Variants in DMGDH observed in about 807,000 individuals in gnomAD.
The protein encoded by DMGDH is dimethylglycine dehydrogenase.
In DMGDH, 76 loss-of-function variants were observed where a neutral mutation model predicts 95.2. The ratio of observed to expected loss-of-function variants is 0.80; its 90% confidence interval spans 0.66 to 0.97. DMGDH has a LOEUF of 0.97. Ranked by LOEUF, DMGDH falls within the 50% of genes least tolerant of loss-of-function variation. The pLI is 0.00. For missense variants in DMGDH, 987 were observed against 1,055.0 expected (o/e 0.94, Z 0.89); for synonymous variants, 345 against 377.6 (o/e 0.91, Z 1.00).
chr5:79,065,445 C>T (rs1755350596), intron 1 of DMGDH, among the ~76,000 whole-genome samples: 1 of 152,052 alleles, frequency 6.6e-6, no homozygotes, highest in Non-Finnish European at 1.5e-5. Flanking sequence ...CTCCTGACCT[C>T]AAGTGATCTA....
At chr5:79,011,178 C>T (rs1753642586) in intron 14 of DMGDH, among the ~76,000 whole-genome samples, 1 of 152,114 alleles carries the variant, frequency 6.6e-6, no homozygotes, top group African/African-American at 2.4e-5. Flanking sequence ...CATCCCCAAC[C>T]CCCATAATAG....
chr5:79,065,567 C>A (rs1456284223), intron 1 of DMGDH, among the ~76,000 whole-genome samples: 1 of 152,130 alleles, frequency 6.6e-6, no homozygotes, highest in Non-Finnish European at 1.5e-5. Context: ...TCCTGAAGGA[C>A]CTGTCTGAGC....
At position 79,067,640 on chromosome 5, in the gene DMGDH, G is replaced by T. The variant is rs112408294; in HGVS notation, c.101+1880C>A. ...ATTATCAAATATATAGTATTTCCTC[G>T]GCCCAGCATGCCATAATAGGTTTCA... is the stretch of plus-strand genomic sequence containing the variant. On this transcript the variant is annotated intron_variant, in intron 1 of 15. Coordinates refer to ENST00000255189, the MANE Select transcript of DMGDH (RefSeq NM_013391.3). 7.6e-3 allele frequency among the ~76,000 whole-genome samples: 1,156 copies of T among 152,172 alleles called. 11 individuals carry two copies. Among genetic ancestry groups the T allele is most frequent in the African/African-American group, 0.026 (1,084 of 41,516 alleles).
intron 14 of DMGDH, chr5:79,020,691 T>C (rs1249689168): frequency 2.0e-6 from 2 of 981,694 alleles, no homozygotes; most frequent in Non-Finnish European, 2.4e-6. Flanking sequence ...GATTACATTT[T>C]ATTCTGTTTC....
At chr5:79,019,262 G>A (rs138870360) in intron 14 of DMGDH, among the ~76,000 whole-genome samples, 1 of 152,188 alleles carries the variant, frequency 6.6e-6, no homozygotes, top group Non-Finnish European at 1.5e-5. Flanking sequence ...AAAAAACAAA[G>A]ATATGGGGCA....
chr5:79,017,661 T>TA (rs1396491199), intron 14 of DMGDH, among the ~76,000 whole-genome samples: 3 of 152,210 alleles, frequency 2.0e-5, no homozygotes, highest in Non-Finnish European at 4.4e-5. Flanking sequence ...GGTATTTACC[T>TA]AGGGAAAAGA....
chr5:79,017,417 T>A (rs1753754668), intron 14 of DMGDH, among the ~76,000 whole-genome samples: 1 of 152,168 alleles, frequency 6.6e-6, no homozygotes. Flanking sequence ...ATGTCCAACA[T>A]CATTTGACAT....
chr5:79,004,988 A>G (rs1753519839), intron 15 of DMGDH, among the ~76,000 whole-genome samples: 1 of 152,202 alleles, frequency 6.6e-6, no homozygotes, highest in African/African-American at 2.4e-5. Flanking sequence ...TAGATCATTT[A>G]CCCTCTAAAT....
chr5:79,037,151 T>C (rs1754368587), intron 7 of DMGDH, among the ~76,000 whole-genome samples: 2 of 152,144 alleles, frequency 1.3e-5, no homozygotes, highest in African/African-American at 4.8e-5. Context: ...CCTCCAGAAC[T>C]GTGAGAAAGT....
At chr5:79,028,405 C>T (rs1561214598) in intron 12 of DMGDH, 28 bp downstream of exon 12, 2 of 1,559,266 alleles carry the variant, frequency 1.3e-6, no homozygotes, top group South Asian at 1.1e-5. Context: ...ATTTCAGAGA[C>T]TTAGTCCAGG....
At chr5:79,042,583 T>C in intron 6 of DMGDH, 102 bp from the exon 7 acceptor site, 1 of 1,140,550 alleles carries the variant, frequency 8.8e-7, no homozygotes, top group South Asian at 1.3e-5. Context: ...AGATGGCCTG[T>C]TAGGAAAGTA....
intron 4 of DMGDH, among the ~76,000 whole-genome samples, chr5:79,051,917 CAAA>C (rs1172823708): frequency 6.6e-6 from 1 of 152,058 alleles, no homozygotes; most frequent in African/African-American, 2.4e-5. Context: ...GTGGGGAAAA[CAAA>C]GAAGAATGAA....
At chr5:79,024,649 T>C (rs544305846) in intron 13 of DMGDH, among the ~76,000 whole-genome samples, 5 of 152,374 alleles carry the variant, frequency 3.3e-5, no homozygotes, top group African/African-American at 1.2e-4. Flanking sequence ...CATGTTTTTC[T>C]GCAATAATTT....
Position 79,034,974 on chromosome 5 carries a change from A to G in DMGDH, c.1194-1566T>C, listed in dbSNP as rs373175428. Among the ~76,000 whole-genome samples the G allele has an allele frequency of 3.1e-3, 457 of 146,314 alleles. 6 individuals are homozygous for G. Among genetic ancestry groups the G allele is most frequent in the South Asian group, 0.018 (78 of 4,430 alleles). On this transcript the variant is annotated intron_variant, in intron 7 of 15. Coordinates refer to ENST00000255189, the MANE Select transcript of DMGDH (RefSeq NM_013391.3). ...TGGGAGGCTGAGGCAGGAGAATGGC[A>G]TGAACCTGGGAGGCGGAGCTTGCAG...
At chr5:78,998,329 CT>C in intron 15 of DMGDH, 32 bp from the exon 16 acceptor site, 1 of 1,589,792 alleles carries the variant, frequency 6.3e-7, no homozygotes, top group South Asian at 1.1e-5. Flanking sequence ...TCCTCAGCAT[CT>C]TGGTCACAGC....
Position 79,054,282 on chromosome 5 carries a change from T to C in DMGDH, c.442A>G (p.Lys148Glu), listed in dbSNP as rs760459656. The C allele has an allele frequency of 1.9e-6, 3 of 1,614,138 alleles. No homozygotes were observed. In the South Asian group the frequency reaches 3.3e-5, roughly 18 times the overall value. ...ATTPVRVDEF[K>E]YQMTRTGWHA... Reference sequence around the variant, plus strand: ...CAGCCAGTCCGAGTCATTTGATATTTAAATTCATCTACCCTTACAGGGGTG... The same window carrying C: ...CAGCCAGTCCGAGTCATTTGATATTCAAATTCATCTACCCTTACAGGGGTG... The change falls in exon 4 of 16, where the codon AAA (lysine) becomes GAA (glutamate). Residue 148 changes from lysine (K) to glutamate (E), a missense_variant. Coordinates refer to ENST00000255189, the MANE Select transcript of DMGDH (RefSeq NM_013391.3).
At chr5:79,022,796 C>T (rs116498979) in intron 14 of DMGDH, among the ~76,000 whole-genome samples, 1 of 152,276 alleles carries the variant, frequency 6.6e-6, no homozygotes, top group South Asian at 2.1e-4. Context: ...TATCCCCAAA[C>T]AATAATATCC....
At position 79,054,215 on chromosome 5, in the gene DMGDH, T is replaced by G; in HGVS notation, c.509A>C (p.Gln170Pro). 6.2e-7 allele frequency: 1 copy of G among 1,614,152 alleles called. No homozygotes were observed. Among genetic ancestry groups the G allele is most frequent in the Non-Finnish European group, 8.5e-7 (1 of 1,180,004 alleles). ...CATGTTGAGTAAAGGGAACATCTCTTGAATTTTTTCAGGTTCAATGAGATA... is the reference window on the plus strand; with the variant it reads ...CATGTTGAGTAAAGGGAACATCTCTGGAATTTTTTCAGGTTCAATGAGATA... Reference protein sequence around the residue: ...EQYLIEPEKIQEMFPLLNMNK... With the variant: ...EQYLIEPEKIPEMFPLLNMNK... The change falls in exon 4 of 16, where the codon CAA becomes CCA. Residue 170 changes from glutamine to proline, a missense_variant. By Grantham distance (76) the Gln-to-Pro change is moderately conservative. Coordinates refer to ENST00000255189, the MANE Select transcript of DMGDH (RefSeq NM_013391.3).
chr5:79,067,262 T>C (rs1580238265), intron 1 of DMGDH, among the ~76,000 whole-genome samples: 1 of 152,236 alleles, frequency 6.6e-6, no homozygotes, highest in South Asian at 2.1e-4. Context: ...AATGTCTCTT[T>C]GTATGCTGTG....
Sources: allele counts gnomAD v4.1 joint callset (sites outside exome capture counted in the v4.1 genomes callset), GRCh38; gene constraint gnomAD v4.1.1; transcripts MANE v1.5; gene names NCBI Gene and HGNC (gene_info 2026-07-23, HGNC 2026-07-21).